HELZ2: variants seen among roughly 807,000 people sequenced by gnomAD.
HELZ2 encodes the protein 3'-5' exoribonuclease HELZ2.
Under a neutral mutation model 208.8 loss-of-function variants are expected in HELZ2, and 143 were observed. The ratio of observed to expected loss-of-function variants is 0.68; its 90% CI spans 0.60 to 0.79. HELZ2 has a LOEUF of 0.79. Among genes scored for constraint, HELZ2 ranks in the 30% least tolerant of loss-of-function variants. The probability of loss-of-function intolerance (pLI) is 0.00; values close to 1 mark genes in which losing one functional copy is unlikely to be tolerated. For synonymous variants in HELZ2, 1,705 were observed against 1,693.7 expected, an observed-to-expected ratio of 1.01 and a Z score of -0.16; for missense variants, 3,690 against 3,794.5, an observed-to-expected ratio of 0.97 and a Z score of 0.72.
At chr20:63,565,701 C>T in exon 8 of HELZ2, 1 of 1,607,972 alleles carries the variant, frequency 6.2e-7, no homozygotes, top group Non-Finnish European at 8.5e-7. Context: ...GCCGCTCCTG[C>T]CGCACAGGCC....
exon 6 of HELZ2, chr20:63,567,623 C>A: frequency 6.3e-7 from 1 of 1,598,894 alleles, no homozygotes; most frequent in East Asian, 2.3e-5. Flanking sequence ...TAGATGTCGG[C>A]GGCACTGCGG....
chr20:63,565,501 G>A (rs1361429024), exon 8 of HELZ2: 2 of 1,606,446 alleles, frequency 1.2e-6, no homozygotes, highest in South Asian at 2.2e-5. Flanking sequence ...CGTACAGCCG[G>A]GCCTGCTGCA....
chr20:63,567,151 C>A (rs762500599), exon 6 of HELZ2: 15 of 1,610,024 alleles, frequency 9.3e-6, no homozygotes, highest in South Asian at 2.2e-5. Context: ...GAAGACCAGG[C>A]GGCTCTGCCG....
At chr20:63,566,903 G>A (rs745817266) in exon 6 of HELZ2, 7 of 1,608,958 alleles carry the variant, frequency 4.4e-6, no homozygotes, top group Non-Finnish European at 3.4e-6. Context: ...CAGCAGCTGG[G>A]CCAGGTGTTG....
exon 6 of HELZ2, chr20:63,567,244 C>G (rs202190171): frequency 1.9e-6 from 3 of 1,608,562 alleles, no homozygotes; most frequent in East Asian, 4.5e-5. Flanking sequence ...CCTGGCCACA[C>G]TGAACAGCCG....
chr20:63,567,351 C>T (rs547226242), exon 6 of HELZ2: 33 of 1,604,320 alleles, frequency 2.1e-5, no homozygotes, highest in Non-Finnish European at 2.6e-5. Context: ...GCATCTGGGC[C>T]GCCTCATCGA....
intron 7 of HELZ2, 67 bp downstream of exon 8, chr20:63,566,310 AG>A (rs1236931918): frequency 2.2e-5 from 34 of 1,515,538 alleles, no homozygotes; most frequent in Middle Eastern, 2.3e-4. Flanking sequence ...TGCCAGGCTG[AG>A]GAGTGGGCCG....
exon 19 of HELZ2, chr20:63,559,289 G>A (rs1359529872): frequency 6.3e-7 from 1 of 1,592,480 alleles, no homozygotes; most frequent in South Asian, 1.1e-5. Context: ...CACCTGGCCG[G>A]CAGGCACGAG....
At chr20:63,570,009 C>T (rs1305561589) in intron 3 of HELZ2, 4 of 456,264 alleles carry the variant, frequency 8.8e-6, no homozygotes, top group Non-Finnish European at 1.6e-5. Flanking sequence ...AGTGCAATGG[C>T]GCGATCTCAA....
At chr20:63,567,360 G>A (rs3810490) in exon 6 of HELZ2, 142,907 of 1,602,162 alleles carry the variant, frequency 0.089, 10,830 homozygotes, top group African/African-American at 0.37. Flanking sequence ...CCGCCTCATC[G>A]ATGAGAATGT....
At chr20:63,560,393 T>G in intron 16 of HELZ2, 66 bp from the exon 18 acceptor site, 2 of 1,582,346 alleles carry the variant, frequency 1.3e-6, no homozygotes. Flanking sequence ...CAGGAAGCCC[T>G]CCCTGACTCA....
At chr20:63,563,429 C>T (rs1020662661) in exon 8 of HELZ2, 6 of 1,530,946 alleles carry the variant, frequency 3.9e-6, no homozygotes, top group East Asian at 2.4e-5. Flanking sequence ...TGAGTAGACA[C>T]GGCGCCGCCA....
chr20:63,574,239 T>G (rs1050170972), upstream of HELZ2: 1 of 150,410 alleles, frequency 6.6e-6, no homozygotes, highest in South Asian at 2.1e-4. Context: ...GTTTCGATTC[T>G]GGCCCGGGCA....
At position 63,564,185 on chromosome 20, in the gene HELZ2, G is replaced by A. The variant is rs116364411; in HGVS notation, c.4637C>T (p.Thr1546Met). ...CCACCGCAGAGGCGTGACCGTCCGC[G>A]TGCACTCGCTGCCCACCAGGAACTC... is the stretch of plus-strand genomic sequence containing the variant. The change falls in exon 8 of 19, where the codon ACG becomes ATG. Residue 1546 changes from threonine to methionine, a missense_variant. Transcript: ENST00000467148. The A allele has an allele frequency of 2.9e-4, 463 of 1,611,522 alleles. 1 individual carries two copies. Among genetic ancestry groups the A allele is most frequent in the Non-Finnish European group, 3.6e-4 (419 of 1,179,514 alleles).
Position 63,562,384 on chromosome 20 carries a change from T to TG in HELZ2, c.6303-3dup. 6.3e-7 allele frequency: 1 copy of TG among 1,580,630 alleles called. No homozygotes were observed. Among genetic ancestry groups the TG allele is most frequent in the Non-Finnish European group, 8.5e-7 (1 of 1,171,640 alleles). On this transcript the variant is annotated splice_region_variant and splice_polypyrimidine_tract_variant and intron_variant, in intron 8 of 18. Transcript: ENST00000467148. ...CCACGCACGGCTTCCTCCTTGCGGC[T>TG]GGGGGTGAAGGCAGACACTGGAAAA... is the stretch of plus-strand genomic sequence containing the variant.
chr20:63,561,511 C>T (rs749624032), intron 12 of HELZ2, 45 bp from the exon 14 acceptor site: 21 of 1,579,478 alleles, frequency 1.3e-5, no homozygotes, highest in Admixed American at 1.7e-5. Flanking sequence ...AGGGCCATCA[C>T]GGGGGCAGAG....
At chr20:63,561,738 G>A (rs1291175252) in exon 12 of HELZ2, 1 of 1,599,514 alleles carries the variant, frequency 6.3e-7, no homozygotes, top group Non-Finnish European at 8.5e-7. Flanking sequence ...TCCTTCTCAG[G>A]AGCAGTCCTG....
At chr20:63,564,829 G>C (rs3810488) in exon 8 of HELZ2, 306,247 of 1,609,562 alleles carry the variant, frequency 0.19, 34,496 homozygotes, top group East Asian at 0.55. Context: ...CTCGGCGGCC[G>C]GCAACCCGGC....
In HELZ2 at chr20:63,564,872, G is replaced by A. The variant is rs779965047; in HGVS notation, c.3950C>T (p.Thr1317Ile). The A allele has an allele frequency of 1.3e-5, 21 of 1,612,172 alleles. No individual in the cohort carries two copies. The highest frequency in any genetic ancestry group is 1.5e-5 in the Non-Finnish European group (18 of 1,179,472). ...CGTGTGGTATTTCTGCAGCACCTTG[G>A]TGATGGTGGCCTGGTCCGACGGGGG... Residue 1317 changes from threonine to isoleucine, a missense_variant, in exon 8 of 19, where the codon ACC becomes ATC. Thr to Ile is a moderately conservative substitution (Grantham distance 89). Transcript: ENST00000467148.
Sources: gnomAD v4.1 joint callset for allele counts on GRCh38, gnomAD v4.1.1 for gene constraint, MANE v1.5 for transcripts, NCBI Gene and HGNC (gene_info 2026-07-23, HGNC 2026-07-21) for gene names.